The following GON4L variants were observed in gnomAD, a reference collection of about 807,000 sequenced individuals.
The protein encoded by GON4L is gon-4 like, also known as GON-4-like protein.
A neutral mutation model predicts 211.8 loss-of-function variants in GON4L; 87 were observed. The observed-to-expected ratio is 0.41, with a 90% CI of 0.35 to 0.49. The LOEUF is 0.49. GON4L is among the 20% of genes least tolerant of loss of function. The pLI, the probability that GON4L is intolerant of heterozygous loss-of-function variation, is 0.15. For missense variants in GON4L, 2,155 were observed against 2,659.5 expected (o/e 0.81, Z 4.17); for synonymous variants, 875 against 962.6 (o/e 0.91, Z 1.68).
chr1:155,825,624 C>T lies in GON4L; in HGVS notation c.697+1213G>A, dbSNP rs113713767. On this transcript the variant is annotated intron_variant, in intron 3 of 31. Transcript: ENST00000368331. Reference sequence around the variant, plus strand: ...ATAAACGCAGTCACAATGCCAGGCACGGTGGCTCACACCTGTCATCCCAAC... The same window carrying T: ...ATAAACGCAGTCACAATGCCAGGCATGGTGGCTCACACCTGTCATCCCAAC... 6.6e-3 allele frequency among the ~76,000 whole-genome samples: 1,008 copies of T among 151,636 alleles called. 11 individuals carry two copies. Among genetic ancestry groups the T allele is most frequent in the African/African-American group, 0.023 (955 of 41,314 alleles).
chr1:155,843,724 C>CG (rs1670986098), intron 2 of GON4L, among the ~76,000 whole-genome samples: 2 of 152,066 alleles, frequency 1.3e-5, no homozygotes, highest in Non-Finnish European at 2.9e-5. Context: ...AAGGGAGAAA[C>CG]GACTGCTTAA....
chr1:155,775,539 C>G (rs990496835), intron 16 of GON4L, among the ~76,000 whole-genome samples: 1 of 151,644 alleles, frequency 6.6e-6, no homozygotes, highest in Non-Finnish European at 1.5e-5. Context: ...ACTGAAGTCT[C>G]CACTTCCTGG....
At chr1:155,764,426 ATTTTTTTT>A (rs371568461) in intron 21 of GON4L, 17 of 139,552 alleles carry the variant, frequency 1.2e-4, no homozygotes, top group African/African-American at 5.1e-4. Flanking sequence ...GTTATTTACT[ATTTTTTTT>A]TTTTTTTTTT....
downstream of GON4L, among the ~76,000 whole-genome samples, chr1:155,745,210 C>T (rs1660213745): frequency 6.6e-6 from 1 of 152,116 alleles, no homozygotes; most frequent in Non-Finnish European, 1.5e-5. Flanking sequence ...TATGCAAAAA[C>T]ATAAATTGCA....
At chr1:155,786,099 AAACAAC>A (rs10656171) in intron 12 of GON4L, among the ~76,000 whole-genome samples, 8 of 148,998 alleles carry the variant, frequency 5.4e-5, no homozygotes, top group African/African-American at 7.4e-5. Flanking sequence ...CTGTCTCAAA[AAACAAC>A]AACAACAACA....
At chr1:155,747,096 G>T, downstream of GON4L, 1 of 1,606,356 alleles carries the variant, frequency 6.2e-7, no homozygotes, top group East Asian at 2.2e-5. Context: ...AAACTGCCTG[G>T]AACTAAATGT....
chr1:155,824,109 A>G (rs1284972798), intron 3 of GON4L, among the ~76,000 whole-genome samples: 1 of 152,066 alleles, frequency 6.6e-6, no homozygotes, highest in Admixed American at 6.6e-5. Context: ...CCACAACTGA[A>G]AAGTATCCAA....
At chr1:155,778,077 A>C (rs1664015292) in intron 14 of GON4L, among the ~76,000 whole-genome samples, 1 of 152,178 alleles carries the variant, frequency 6.6e-6, no homozygotes, top group South Asian at 2.1e-4. Flanking sequence ...TATACAAATA[A>C]AGAAAAAATT....
intron 11 of GON4L, among the ~76,000 whole-genome samples, chr1:155,796,957 T>G (rs1436079806): frequency 6.6e-6 from 1 of 152,206 alleles, no homozygotes; most frequent in Non-Finnish European, 1.5e-5. Context: ...AGAAGCAAGT[T>G]GCAGATGAAG....
At chr1:155,832,914 A>G (rs1194248057) in intron 2 of GON4L, 1 of 151,184 alleles carries the variant, frequency 6.6e-6, no homozygotes, top group Admixed American at 6.6e-5. Flanking sequence ...TGAATTGTCA[A>G]TCTTTCTTTC....
At position 155,814,438 on chromosome 1, in the gene GON4L, T is replaced by C. The variant is rs767407320; in HGVS notation, c.1173A>G (p.Glu391=). ...ATGAAGCAGTGCTTTCAACATCACT[T>C]TCCAATAAGCTCTACAAAATAAATC... ...EDETAEESLL[E]SDVESTASSP... The change falls in exon 9 of 32, where the codon GAA becomes GAG. Residue 391 remains glutamate, a synonymous_variant. Coordinates refer to ENST00000368331, the MANE Select transcript of GON4L (RefSeq NM_001282860.2). 1.1e-5 allele frequency: 17 copies of C among 1,613,728 alleles called. No individual in the cohort carries two copies. Among genetic ancestry groups the C allele is most frequent in the Non-Finnish European group, 1.7e-6 (2 of 1,179,804 alleles).
At chr1:155,747,045 T>G, downstream of GON4L, 23 of 1,606,196 alleles carry the variant, frequency 1.4e-5, 1 homozygote, top group Non-Finnish European at 1.9e-5. Context: ...CTATGCGGTG[T>G]GGCCAGCCAA....
At chr1:155,805,856 A>G (rs915269968) in intron 10 of GON4L, among the ~76,000 whole-genome samples, 1 of 151,276 alleles carries the variant, frequency 6.6e-6, no homozygotes, top group African/African-American at 2.4e-5. Context: ...CATCTGACTA[A>G]TTTTTGTATT....
chr1:155,832,046 G>T (rs931508760), intron 2 of GON4L, among the ~76,000 whole-genome samples: 1 of 151,748 alleles, frequency 6.6e-6, no homozygotes, highest in Non-Finnish European at 1.5e-5. Context: ...AGGCCGAGGT[G>T]GGTGGATCAC....
At chr1:155,773,606 TC>T (rs917487990) in intron 17 of GON4L, among the ~76,000 whole-genome samples, 2 of 152,176 alleles carry the variant, frequency 1.3e-5, no homozygotes, top group Non-Finnish European at 2.9e-5. Flanking sequence ...GATTCCAACT[TC>T]TTTAATCTCC....
intron 2 of GON4L, among the ~76,000 whole-genome samples, chr1:155,852,973 G>A (rs1238264217): frequency 6.6e-6 from 1 of 152,102 alleles, no homozygotes. Context: ...TTAGCCTGGC[G>A]TGGTGGCGCA....
At chr1:155,761,734 A>T (rs912618955) in intron 23 of GON4L, among the ~76,000 whole-genome samples, 1 of 151,968 alleles carries the variant, frequency 6.6e-6, no homozygotes, top group African/African-American at 2.4e-5. Context: ...ACCTCAGGTG[A>T]TCCACCCACC....
downstream of GON4L, chr1:155,749,445 T>C (rs1660389551): frequency 1.9e-5 from 30 of 1,571,754 alleles, no homozygotes; most frequent in Non-Finnish European, 2.5e-5. Context: ...AGTGTAACGG[T>C]TGCTCCTGCC....
chr1:155,762,400 T>G (rs1661907499), intron 22 of GON4L, 26 bp from the exon 23 acceptor site: 1 of 1,571,396 alleles, frequency 6.4e-7, no homozygotes, highest in Admixed American at 1.7e-5. Flanking sequence ...AAAAGGATTG[T>G]TTCCCTGTCC....
Sources: gnomAD v4.1 joint callset for allele counts (sites outside exome capture counted in the v4.1 genomes callset) on GRCh38, gnomAD v4.1.1 for gene constraint, MANE v1.5 for transcripts, NCBI Gene and HGNC (gene_info 2026-07-23, HGNC 2026-07-21) for gene names.